EPAS1: variants seen among roughly 807,000 people sequenced by gnomAD.
EPAS1 encodes endothelial PAS domain protein 1.
In EPAS1, 23 loss-of-function variants were observed where a neutral mutation model predicts 87.9. The observed-to-expected ratio is 0.26, with a 90% CI of 0.19 to 0.37. The LOEUF (loss-of-function observed/expected upper bound fraction) is 0.37, where lower values mean the gene tolerates loss of function less well. Ranked by LOEUF, EPAS1 falls within the 10% of genes least tolerant of loss-of-function variation. EPAS1 has a pLI of 1.00. For synonymous variants in EPAS1, 508 were observed against 444.3 expected (o/e 1.14, Z -1.80); for missense variants, 1,138 against 1,120.7 (o/e 1.02, Z -0.22).
chr2:46,381,960 C>T lies in EPAS1; in HGVS notation c.2173-15C>T. 6.2e-7 allele frequency: 1 copy of T among 1,610,694 alleles called. No homozygotes were observed. The highest frequency in any genetic ancestry group is 8.5e-7 in the Non-Finnish European group (1 of 1,177,310). ...CTGGCCATTTCCCCTTTCCATCTGC[C>T]CTTCTTACTCCCAGGGGGACCCACC... On this transcript the variant is annotated splice_polypyrimidine_tract_variant and intron_variant, in intron 13 of 15. Transcript: ENST00000263734.
At chr2:46,327,109 T>A (rs908613233) in intron 1 of EPAS1, among the ~76,000 whole-genome samples, 1 of 152,216 alleles carries the variant, frequency 6.6e-6, no homozygotes, top group Non-Finnish European at 1.5e-5. Flanking sequence ...ACTTACAACC[T>A]CCAGGTCTCA....
intron 7 of EPAS1, 50 bp downstream of exon 7, chr2:46,369,983 G>A: frequency 2.9e-6 from 4 of 1,387,784 alleles, no homozygotes; most frequent in Non-Finnish European, 3.0e-6. Flanking sequence ...GTGGTATGTG[G>A]CCTTGAGTGG....
intron 1 of EPAS1, among the ~76,000 whole-genome samples, chr2:46,308,258 T>G (rs182461621): frequency 4.6e-4 from 70 of 152,286 alleles, no homozygotes; most frequent in African/African-American, 1.6e-3. Context: ...ACAAAATCAC[T>G]AAGGGAGCGT....
rs377328704 is a variant in EPAS1, at chr2:46,376,511, G to T, written c.1035-28G>T. The T allele has an allele frequency of 5.7e-5, 92 of 1,611,606 alleles. 1 individual carries two copies. The highest frequency in any genetic ancestry group is 3.3e-4 in the Middle Eastern group (2 of 6,078). On this transcript the variant is annotated intron_variant, in intron 8 of 15. Transcript: ENST00000263734. ...AGAATTTTTCTAGAAAATGTGGAAA[G>T]TCTGAATGGCTCTTTCCCCCCCATT...
rs1026250758 is a variant in EPAS1, at chr2:46,347,461, A to G, written c.217+398A>G. ...TAACTTCCAGTGCCTTCTCCAGAAC[A>G]GCAAGAAGGTGTGCCCGGATGATCT... On this transcript the variant is annotated intron_variant, in intron 2 of 15. Coordinates refer to ENST00000263734, the MANE Select transcript of EPAS1 (RefSeq NM_001430.5). This position sits in a 1 kb window ranked among gnomAD's most constrained non-coding sequence, Gnocchi z 4.2. 3.3e-6 allele frequency: 1 copy of G among 298,918 alleles called. No individual in the cohort carries two copies. 18.5% of individuals were successfully genotyped at this position (298,918 alleles called of 1,614,324 possible).
At chr2:46,336,292 C>G (rs977122116) in intron 1 of EPAS1, among the ~76,000 whole-genome samples, 1 of 152,102 alleles carries the variant, frequency 6.6e-6, no homozygotes, top group Non-Finnish European at 1.5e-5. Context: ...GTGTCTGTGC[C>G]CTTCCCCTGG....
At position 46,380,799 on chromosome 2, in the gene EPAS1, C is replaced by T; in HGVS notation, c.2045+82C>T. 1 of 1,593,682 alleles carries T rather than the reference C, an allele frequency of 6.3e-7. No homozygotes were observed. Among genetic ancestry groups the T allele is most frequent in the South Asian group, 1.1e-5 (1 of 90,624 alleles). ...TAAGATAGCTGGACCCCCAGGGAGG[C>T]CCCTGCCCCTCTCCCCAGCCATCTG... On this transcript the variant is annotated intron_variant, in intron 12 of 15. Transcript: ENST00000263734. The surrounding 1 kb of genome is among the most constrained non-coding windows in gnomAD (Gnocchi z 4.4).
At chr2:46,359,120 G>A (rs6544891) in intron 4 of EPAS1, among the ~76,000 whole-genome samples, 3,132 of 151,836 alleles carry the variant, frequency 0.021, 121 homozygotes, top group African/African-American at 0.072. Context: ...TTAGCTGGGC[G>A]TGGTGGCGCG....
intron 1 of EPAS1, among the ~76,000 whole-genome samples, chr2:46,319,266 G>C (rs1339742663): frequency 6.6e-6 from 1 of 152,216 alleles, no homozygotes; most frequent in Non-Finnish European, 1.5e-5. Context: ...TGATCCTCCA[G>C]TGTGGCCCAT....
rs749202179 is a variant in EPAS1 at position 46,300,208 on chromosome 2, G to T, written c.26+2271G>T. On this transcript the variant is annotated intron_variant, in intron 1 of 15. Transcript: ENST00000263734. This position sits in a 1 kb window ranked among gnomAD's most constrained non-coding sequence, Gnocchi z 4.1. ...ATGTGAACCAATACATTGAAAGTTGGTGTTGTCATGTAAGTGACTGCTGTA... is the reference window on the plus strand; with the variant it reads ...ATGTGAACCAATACATTGAAAGTTGTTGTTGTCATGTAAGTGACTGCTGTA... 6.6e-6 allele frequency among the ~76,000 whole-genome samples: 1 copy of T among 152,224 alleles called. No individual in the cohort carries two copies. Among genetic ancestry groups the T allele is most frequent in the South Asian group, 2.1e-4 (1 of 4,836 alleles).
intron 6 of EPAS1, among the ~76,000 whole-genome samples, chr2:46,366,381 C>T (rs1366308964): frequency 2.0e-5 from 3 of 152,212 alleles, no homozygotes; most frequent in African/African-American, 7.2e-5. Context: ...GTCCAGTGCT[C>T]AGAGAGCTGA....
chr2:46,386,553 A>G lies in EPAS1; in HGVS notation c.*1893A>G, dbSNP rs1685029372. 1.3e-5 allele frequency: 2 copies of G among 152,784 alleles called. No individual in the cohort carries two copies. Among genetic ancestry groups the G allele is most frequent in the South Asian group, 2.1e-4 (1 of 4,828 alleles). 9.5% of individuals were successfully genotyped at this position (152,784 alleles called of 1,614,324 possible). On this transcript the variant is annotated 3_prime_UTR_variant, in exon 16 of 16. Transcript: ENST00000263734. ...CACTGAAAAATATTCCAAGCTTCAT[A>G]TTAACCCTACCTGTCAACGTAACGA...
intron 6 of EPAS1, among the ~76,000 whole-genome samples, chr2:46,361,562 C>T (rs949432770): frequency 5.9e-5 from 9 of 152,120 alleles, no homozygotes; most frequent in Non-Finnish European, 1.2e-4. Flanking sequence ...AACTCCATTC[C>T]GGCCAGTGTC....
At chr2:46,323,246 C>T (rs1683486591) in intron 1 of EPAS1, among the ~76,000 whole-genome samples, 1 of 152,158 alleles carries the variant, frequency 6.6e-6, no homozygotes, top group Non-Finnish European at 1.5e-5. Context: ...TTCATATATG[C>T]TACATTTTAT....
intron 6 of EPAS1, among the ~76,000 whole-genome samples, chr2:46,363,762 GAC>G (rs1684449899): frequency 6.6e-6 from 1 of 152,216 alleles, no homozygotes; most frequent in South Asian, 2.1e-4. Flanking sequence ...AGTTCTGCGA[GAC>G]ACACTGCATT....
At position 46,378,756 on chromosome 2, in the gene EPAS1, T is replaced by C; in HGVS notation, c.1543T>C (p.Cys515Arg). ...CATGGACACAGAGGCCAAGGACCAA[T>C]GCAGTACCCAGGTAGATGGCTGTGG... ...FAMDTEAKDQ[C>R]STQTDFNELD... The change falls in exon 11 of 16, where the codon TGC becomes CGC. Residue 515 changes from cysteine to arginine, a missense_variant. Physicochemically the swap from Cys to Arg is radical, Grantham distance 180. Around this residue, in one of 4 missense-constraint regions of EPAS1, gnomAD observed 284 missense variants for 258.4 expected, o/e 1.10. Transcript: ENST00000263734. 6.2e-7 allele frequency: 1 copy of C among 1,614,008 alleles called. No homozygotes were observed. The highest frequency in any genetic ancestry group is 8.5e-7 in the Non-Finnish European group (1 of 1,179,858).
intron 1 of EPAS1, among the ~76,000 whole-genome samples, chr2:46,321,333 G>GAA (rs1318275882): frequency 6.6e-6 from 1 of 152,232 alleles, no homozygotes; most frequent in African/African-American, 2.4e-5. Flanking sequence ...GAATCATGGT[G>GAA]AACATGGTGT....
At chr2:46,362,192 T>C (rs187912779) in intron 6 of EPAS1, among the ~76,000 whole-genome samples, 1 of 152,352 alleles carries the variant, frequency 6.6e-6, no homozygotes, top group African/African-American at 2.4e-5. Context: ...CCCAACTCTT[T>C]GCCACTCTTC....
At chr2:46,367,002 G>A (rs959644455) in intron 6 of EPAS1, among the ~76,000 whole-genome samples, 2 of 152,238 alleles carry the variant, frequency 1.3e-5, no homozygotes, top group African/African-American at 4.8e-5. Flanking sequence ...GGGATGTGGT[G>A]TATTTCCCAG....
Sources: gnomAD v4.1 joint callset for allele counts (sites outside exome capture counted in the v4.1 genomes callset) on GRCh38, gnomAD v4.1.1 for gene constraint, gnomAD v4.1.1 regional missense constraint, Gnocchi (gnomAD v3.1) non-coding constraint, MANE v1.5 for transcripts, NCBI Gene and HGNC (gene_info 2026-07-23, HGNC 2026-07-21) for gene names.